COL19A1: variants seen among roughly 807,000 people sequenced by gnomAD.
COL19A1 encodes collagen type XIX alpha 1 chain, also known as collagen alpha-1(XIX) chain.
Under a neutral mutation model 190.2 loss-of-function variants are expected in COL19A1, and 159 were observed. The observed-to-expected ratio is 0.84, with a 90% CI of 0.73 to 0.95. The LOEUF (loss-of-function observed/expected upper bound fraction) is 0.95, where lower values mean the gene tolerates loss of function less well. Among genes scored for constraint, COL19A1 ranks in the 40% least tolerant of loss-of-function variants. COL19A1 has a pLI of 0.00. For synonymous variants in COL19A1, 509 were observed against 458.9 expected, an observed-to-expected ratio of 1.11 and a Z score of -1.39; for missense variants, 1,418 against 1,431.9, an observed-to-expected ratio of 0.99 and a Z score of 0.16.
intron 15 of COL19A1, among the ~76,000 whole-genome samples, chr6:70,101,802 A>G (rs185791362): frequency 1.8e-4 from 27 of 152,302 alleles, no homozygotes; most frequent in Admixed American, 1.4e-3. Context: ...CTTGGACAAC[A>G]CCAACATAAG....
intron 1 of COL19A1, among the ~76,000 whole-genome samples, chr6:69,875,960 A>T (rs1212095869): frequency 2.6e-5 from 4 of 152,182 alleles, no homozygotes; most frequent in East Asian, 1.9e-4. Context: ...AGATCCCAGT[A>T]TTAAGAAATC....
chr6:70,001,464 T>C (rs1019167872), intron 11 of COL19A1, among the ~76,000 whole-genome samples: 2 of 152,208 alleles, frequency 1.3e-5, no homozygotes, highest in Non-Finnish European at 2.9e-5. Context: ...TTGGTCAGTA[T>C]GGCCATTTTC....
chr6:69,953,566 A>G (rs997668598), intron 9 of COL19A1, among the ~76,000 whole-genome samples: 1 of 152,020 alleles, frequency 6.6e-6, no homozygotes, highest in Admixed American at 6.6e-5. Flanking sequence ...AAGGACAGGA[A>G]AAAGAAAAAG....
chr6:70,122,681 G>A (rs1043602285), intron 17 of COL19A1, among the ~76,000 whole-genome samples: 12 of 152,104 alleles, frequency 7.9e-5, no homozygotes, highest in Non-Finnish European at 1.2e-4. Context: ...GAAAGAATTG[G>A]AGACACTTCC....
chr6:69,989,762 T>C (rs1254290376), intron 11 of COL19A1, among the ~76,000 whole-genome samples: 2 of 152,006 alleles, frequency 1.3e-5, no homozygotes, highest in African/African-American at 4.8e-5. Context: ...ATGGTCTAGG[T>C]TCAAACCCTG....
intron 11 of COL19A1, among the ~76,000 whole-genome samples, chr6:69,996,988 CGT>C (rs1362492061): frequency 2.3e-5 from 3 of 127,866 alleles, no homozygotes; most frequent in African/African-American, 1.1e-4. Context: ...TGTATGTGTA[CGT>C]ATGTGTGTGT....
Position 70,037,866 on chromosome 6 carries a change from G to A in COL19A1, c.1170+1927G>A, listed in dbSNP as rs180761368. On this transcript the variant is annotated intron_variant, in intron 14 of 50. Transcript: ENST00000620364. ...TCTGTCAAGCACTTAGAGATTACAA[G>A]CTAATTTCATACTTGTCTAAAAATA... Among the ~76,000 whole-genome samples, 12 of 152,216 alleles carry A rather than the reference G, an allele frequency of 7.9e-5. No individual in the cohort carries two copies. In the East Asian group the frequency reaches 2.3e-3, roughly 29 times the overall value.
At chr6:70,076,565 G>C (rs1781893991) in intron 15 of COL19A1, among the ~76,000 whole-genome samples, 1 of 152,208 alleles carries the variant, frequency 6.6e-6, no homozygotes, top group Non-Finnish European at 1.5e-5. Flanking sequence ...TGGCCAGTGA[G>C]GGACCAGGGG....
intron 17 of COL19A1, among the ~76,000 whole-genome samples, chr6:70,129,020 C>T (rs998504531): frequency 6.6e-6 from 1 of 152,180 alleles, no homozygotes; most frequent in African/African-American, 2.4e-5. Flanking sequence ...GAAAGATTTA[C>T]ATCTCAAAGG....
intron 9 of COL19A1, among the ~76,000 whole-genome samples, chr6:69,948,778 A>C (rs1182169579): frequency 6.6e-6 from 1 of 151,790 alleles, no homozygotes; most frequent in Non-Finnish European, 1.5e-5. Context: ...TGTAGAAAGA[A>C]TCTTGTGTGG....
At chr6:69,876,951 T>C (rs1368060887) in intron 1 of COL19A1, among the ~76,000 whole-genome samples, 1 of 152,204 alleles carries the variant, frequency 6.6e-6, no homozygotes, top group Admixed American at 6.5e-5. Context: ...ATATTGCAAT[T>C]GCCACTTCTA....
rs754913916 is a variant in COL19A1, at chr6:70,188,150, G to A, written c.2932G>A (p.Ala978Thr). ...GKPGLTGMKG[A>T]IGPMGPPGNK... ...ACCAGGCCTTACAGGCATGAAGGGG[G>A]CCATCGGTCCTATGGGTCCACCAGG... The change falls in exon 47 of 51, where the codon GCC becomes ACC. Residue 978 changes from alanine (A) to threonine (T), a missense_variant. Transcript: ENST00000620364. The A allele has an allele frequency of 1.2e-6, 2 of 1,614,012 alleles. No individual in the cohort carries two copies. Among genetic ancestry groups the A allele is most frequent in the East Asian group, 4.5e-5 (2 of 44,886 alleles).
At chr6:70,160,152 A>C (rs1441825720) in intron 34 of COL19A1, among the ~76,000 whole-genome samples, 1 of 152,086 alleles carries the variant, frequency 6.6e-6, no homozygotes, top group Non-Finnish European at 1.5e-5. Flanking sequence ...TAATTTATAA[A>C]AGAAAGAGGT....
At chr6:70,062,927 C>T (rs1780933150) in intron 14 of COL19A1, among the ~76,000 whole-genome samples, 1 of 152,010 alleles carries the variant, frequency 6.6e-6, no homozygotes, top group Admixed American at 6.6e-5. Context: ...ACAAGAAGAG[C>T]TAACTATCCT....
intron 15 of COL19A1, among the ~76,000 whole-genome samples, chr6:70,071,394 G>A (rs779207630): frequency 3.9e-5 from 6 of 151,976 alleles, no homozygotes; most frequent in Admixed American, 6.6e-5. Context: ...CATTTAAGCT[G>A]CTAAATCTTA....
chr6:69,898,585 A>G (rs141229650), intron 2 of COL19A1, among the ~76,000 whole-genome samples: 1 of 152,324 alleles, frequency 6.6e-6, no homozygotes, highest in African/African-American at 2.4e-5. Flanking sequence ...AAGTTGTGAT[A>G]AAATATAGTA....
intron 31 of COL19A1, among the ~76,000 whole-genome samples, chr6:70,154,937 A>G (rs1311640720): frequency 6.6e-6 from 1 of 152,178 alleles, no homozygotes; most frequent in African/African-American, 2.4e-5. Context: ...GTGCTCACCC[A>G]GATTGAGGGT....
intron 15 of COL19A1, 58 bp downstream of exon 15, chr6:70,068,534 AACACT>A: frequency 8.9e-7 from 1 of 1,120,312 alleles, no homozygotes; most frequent in East Asian, 2.4e-5. Context: ...CTTATTTGGG[AACACT>A]AATGAAAATG....
At chr6:70,120,063 C>T (rs958068050) in intron 16 of COL19A1, among the ~76,000 whole-genome samples, 1 of 152,168 alleles carries the variant, frequency 6.6e-6, no homozygotes, top group African/African-American at 2.4e-5. Context: ...TGCACTCCAG[C>T]CTGGGTGACA....
Sources: allele counts gnomAD v4.1 joint callset (sites outside exome capture counted in the v4.1 genomes callset), GRCh38; gene constraint gnomAD v4.1.1; transcripts MANE v1.5; gene names NCBI Gene and HGNC (gene_info 2026-07-23, HGNC 2026-07-21).